Variants in TENM4 observed in about 807,000 individuals in gnomAD.
The protein encoded by TENM4 is teneurin transmembrane protein 4.
Under a neutral mutation model 243.3 loss-of-function variants are expected in TENM4, and 82 were observed. The ratio of observed to expected loss-of-function variants is 0.34; its 90% confidence interval spans 0.28 to 0.40. The LOEUF is 0.40. TENM4 is among the 10% of genes least tolerant of loss of function. The pLI, the probability that TENM4 is intolerant of heterozygous loss-of-function variation, is 1.00. For missense variants in TENM4, 3,138 were observed against 3,673.3 expected, an observed-to-expected ratio of 0.85 and a Z score of 3.77; for synonymous variants, 1,412 against 1,456.3, an observed-to-expected ratio of 0.97 and a Z score of 0.69.
At chr11:78,764,092 G>A (rs1348766799) in intron 18 of TENM4, among the ~76,000 whole-genome samples, 2 of 152,208 alleles carry the variant, frequency 1.3e-5, no homozygotes, top group Admixed American at 1.3e-4. Flanking sequence ...TCAAGGCTGT[G>A]GGCCTGTCTG....
chr11:79,111,647 C>A (rs1263060284), intron 4 of TENM4, among the ~76,000 whole-genome samples: 1 of 152,162 alleles, frequency 6.6e-6, no homozygotes, highest in Non-Finnish European at 1.5e-5. Context: ...AGTGTGAAAA[C>A]AAACTGATAT....
intron 2 of TENM4, among the ~76,000 whole-genome samples, chr11:79,227,683 C>A (rs1864299095): frequency 1.3e-5 from 2 of 152,218 alleles, no homozygotes; most frequent in East Asian, 3.9e-4. Flanking sequence ...AGTCAGCTTG[C>A]ATGGGACTTT....
chr11:78,828,925 G>A (rs1156907382), intron 12 of TENM4, among the ~76,000 whole-genome samples: 4 of 152,244 alleles, frequency 2.6e-5, no homozygotes, highest in Non-Finnish European at 5.9e-5. Context: ...TGGCCTAAAG[G>A]GCCAGTTCCT....
intron 6 of TENM4, among the ~76,000 whole-genome samples, chr11:79,057,210 G>C (rs750877731): frequency 6.6e-6 from 1 of 152,104 alleles, no homozygotes; most frequent in African/African-American, 2.4e-5. Context: ...GTATTAGTCA[G>C]ACCTCATCAC....
intron 27 of TENM4, among the ~76,000 whole-genome samples, chr11:78,703,058 G>C (rs988896872): frequency 6.6e-6 from 1 of 152,124 alleles, no homozygotes; most frequent in Admixed American, 6.5e-5. Context: ...TCTCAAATCT[G>C]GCCTCACATT....
In TENM4 at chr11:78,856,123, A is replaced by C; in HGVS notation, c.1311T>G (p.Asp437Glu). 1 of 1,551,706 alleles carries C rather than the reference A, an allele frequency of 6.4e-7. No homozygotes were observed. Among genetic ancestry groups the C allele is most frequent in the Non-Finnish European group, 8.7e-7 (1 of 1,146,990 alleles). Residue 437 changes from aspartate to glutamate, a missense_variant, in exon 11 of 34, where the codon GAT becomes GAG. Around this residue, in one of 2 missense-constraint regions of TENM4, gnomAD observed 671 missense variants for 614.1 expected, o/e 1.09. Transcript: ENST00000278550. ...EDSFIDSGEI[D>E]VGRRASQKIP... Reference sequence around the variant, plus strand: ...TCTTCTGGGAAGCTCGCCTTCCCACATCAATTTCTCCAGAATCTATGAAAC... The same window carrying C: ...TCTTCTGGGAAGCTCGCCTTCCCACCTCAATTTCTCCAGAATCTATGAAAC...
At chr11:78,700,980 T>A (rs1296649233) in intron 28 of TENM4, among the ~76,000 whole-genome samples, 2 of 152,222 alleles carry the variant, frequency 1.3e-5, no homozygotes, top group Non-Finnish European at 2.9e-5. Flanking sequence ...GGTTTCATTA[T>A]GTCTGTGTAG....
intron 2 of TENM4, among the ~76,000 whole-genome samples, chr11:79,252,727 C>T (rs376337546): frequency 2.0e-5 from 3 of 152,138 alleles, no homozygotes; most frequent in South Asian, 2.1e-4. Flanking sequence ...GGGAGCTTGA[C>T]CTCTCCCTTC....
chr11:79,370,779 TAAAA>T (rs544196671), intron 1 of TENM4, among the ~76,000 whole-genome samples: 671 of 57,064 alleles, frequency 0.012, 3 homozygotes, highest in African/African-American at 0.018. Context: ...ACTCCTATGG[TAAAA>T]AAAAAAAAAA....
chr11:78,793,637 C>G (rs1338250618), intron 15 of TENM4, among the ~76,000 whole-genome samples: 1 of 152,086 alleles, frequency 6.6e-6, no homozygotes, highest in Non-Finnish European at 1.5e-5. Flanking sequence ...GCATTTGAGG[C>G]AAAAATAAGA....
intron 1 of TENM4, among the ~76,000 whole-genome samples, chr11:79,311,715 A>C (rs1006790046): frequency 1.3e-5 from 2 of 152,010 alleles, no homozygotes; most frequent in African/African-American, 4.8e-5. Context: ...GCCACCACAC[A>C]CGTCTGCTCA....
chr11:78,840,086 G>A (rs537242814), intron 12 of TENM4, among the ~76,000 whole-genome samples: 2 of 152,178 alleles, frequency 1.3e-5, no homozygotes, highest in African/African-American at 4.8e-5. Flanking sequence ...CCTAAGAAAA[G>A]CTCAACAGAT....
chr11:79,067,334 G>A (rs1860289635), intron 5 of TENM4, among the ~76,000 whole-genome samples: 1 of 151,826 alleles, frequency 6.6e-6, no homozygotes, highest in African/African-American at 2.4e-5. Flanking sequence ...TGCTCTCCCT[G>A]CGTATCACAC....
chr11:78,693,791 A>G (rs1291834029), intron 28 of TENM4, among the ~76,000 whole-genome samples: 2 of 152,186 alleles, frequency 1.3e-5, no homozygotes, highest in Admixed American at 6.5e-5. Flanking sequence ...AGGGGGGTGG[A>G]TCACTTGAGG....
intron 6 of TENM4, among the ~76,000 whole-genome samples, chr11:79,022,113 G>A (rs1052188269): frequency 6.6e-6 from 1 of 152,164 alleles, no homozygotes; most frequent in Non-Finnish European, 1.5e-5. Context: ...CAATCACCTT[G>A]CTGGCCTCCA....
rs550590159 is a variant in TENM4 at position 78,751,187 on chromosome 11, T to C, written c.2756+5618A>G. On this transcript the variant is annotated intron_variant, in intron 19 of 33. Coordinates refer to ENST00000278550, the MANE Select transcript of TENM4 (RefSeq NM_001098816.3). ...TGAGCCAGCATGCTTGGGCAGCTTG[T>C]GTGTTTTTCTCTGCTCTGTCCCTCG... Among the ~76,000 whole-genome samples, 30 of 152,304 alleles carry C rather than the reference T, an allele frequency of 2.0e-4. 1 individual carries two copies. The South Asian group carries it at 5.6e-3, about 28-fold the overall frequency.
At chr11:79,044,932 A>G (rs1449285664) in intron 6 of TENM4, among the ~76,000 whole-genome samples, 1 of 152,186 alleles carries the variant, frequency 6.6e-6, no homozygotes, top group Non-Finnish European at 1.5e-5. Context: ...AAGTATGTTT[A>G]TTATAGAAAA....
At chr11:79,282,371 C>T (rs1448308175) in intron 2 of TENM4, among the ~76,000 whole-genome samples, 1 of 152,162 alleles carries the variant, frequency 6.6e-6, no homozygotes, top group Non-Finnish European at 1.5e-5. Context: ...AAAGGAGCTT[C>T]ATAAATCGTT....
At chr11:79,043,434 A>G (rs1386720299) in intron 6 of TENM4, among the ~76,000 whole-genome samples, 1 of 152,164 alleles carries the variant, frequency 6.6e-6, no homozygotes, top group Non-Finnish European at 1.5e-5. Flanking sequence ...CAGAGTGGGT[A>G]GCTCCACAAG....
Sources: gnomAD v4.1 joint callset for allele counts (sites outside exome capture counted in the v4.1 genomes callset) on GRCh38, gnomAD v4.1.1 for gene constraint, gnomAD v4.1.1 regional missense constraint, MANE v1.5 for transcripts, NCBI Gene and HGNC (gene_info 2026-07-23, HGNC 2026-07-21) for gene names.